The following DMXL2 variants were observed in gnomAD, a reference collection of about 807,000 sequenced individuals.
DMXL2 encodes the protein Dmx like 2.
Under a neutral mutation model 331.1 loss-of-function variants are expected in DMXL2, and 103 were observed. That is an observed-to-expected ratio of 0.31 (90% CI 0.27 to 0.37). DMXL2 has a LOEUF of 0.37. Ranked by LOEUF, DMXL2 falls within the 10% of genes least tolerant of loss-of-function variation. The pLI is 1.00. For missense variants in DMXL2, 3,171 were observed against 3,642.9 expected, an observed-to-expected ratio of 0.87 and a Z score of 3.33; for synonymous variants, 1,281 against 1,252.1, an observed-to-expected ratio of 1.02 and a Z score of -0.49.
chr15:51,457,443 C>T lies in DMXL2; in HGVS notation c.8222G>A (p.Gly2741Asp). ...GGGTTGATAAAGAGTTGTAGTGGAA[C>T]CACGATAATCAACATCATCTGAACT... ...SKSSDDVDYR[G>D]STTTLYQPSA... is the part of the protein sequence containing the mutation. Residue 2741 changes from glycine (G) to aspartate (D), a missense_variant, in exon 37 of 44, where the codon GGT becomes GAT. Physicochemically the swap from Gly to Asp is moderately conservative, Grantham distance 94 (BLOSUM62 -1). Transcript: ENST00000560891. 1.2e-6 allele frequency: 2 copies of T among 1,614,168 alleles called. No individual in the cohort carries two copies. The highest frequency in any genetic ancestry group is 1.6e-4 in the Middle Eastern group (1 of 6,062).
chr15:51,566,229 T>TGGG (rs930614547), intron 3 of DMXL2, among the ~76,000 whole-genome samples: 4 of 115,652 alleles, frequency 3.5e-5, no homozygotes, highest in African/African-American at 1.3e-4. Context: ...AATGTGTGTG[T>TGGG]GGGGTGTGTG....
intron 30 of DMXL2, among the ~76,000 whole-genome samples, chr15:51,465,880 T>C (rs1006875826): frequency 2.6e-5 from 4 of 152,164 alleles, no homozygotes; most frequent in Non-Finnish European, 1.5e-5. Flanking sequence ...AACCACATAG[T>C]CACATGAAAC....
intron 13 of DMXL2, among the ~76,000 whole-genome samples, chr15:51,534,005 T>C (rs1442040002): frequency 6.6e-6 from 1 of 151,968 alleles, no homozygotes; most frequent in Non-Finnish European, 1.5e-5. Context: ...TGAAATGTAA[T>C]AGGAAAAATA....
At chr15:51,458,985 C>A (rs2039895093) in intron 34 of DMXL2, 190 bp from the exon 35 acceptor site, 1 of 572,756 alleles carries the variant, frequency 1.7e-6, no homozygotes, top group Non-Finnish European at 3.1e-6. Flanking sequence ...CTTAAATTCT[C>A]TGATGTCCTG....
intron 5 of DMXL2, 69 bp from the exon 6 acceptor site, chr15:51,563,516 A>G: frequency 9.0e-7 from 1 of 1,109,242 alleles, no homozygotes; most frequent in Non-Finnish European, 1.3e-6. Flanking sequence ...AATGGTCAAG[A>G]TGAGATTTTT....
At chr15:51,534,418 G>A (rs1250972326) in intron 13 of DMXL2, among the ~76,000 whole-genome samples, 2 of 152,154 alleles carry the variant, frequency 1.3e-5, no homozygotes, top group African/African-American at 4.8e-5. Context: ...TTTATTCTAA[G>A]TAGAACTAGC....
intron 1 of DMXL2, among the ~76,000 whole-genome samples, chr15:51,619,577 T>G (rs912366204): frequency 6.6e-6 from 1 of 152,220 alleles, no homozygotes; most frequent in Non-Finnish European, 1.5e-5. Flanking sequence ...CCACCCACCA[T>G]GCACAGCAAA....
At chr15:51,477,255 T>C (rs924653740) in intron 26 of DMXL2, among the ~76,000 whole-genome samples, 1 of 152,156 alleles carries the variant, frequency 6.6e-6, no homozygotes, top group African/African-American at 2.4e-5. Flanking sequence ...ATAATGGCTA[T>C]CTTTGTGAAG....
Position 51,612,532 on chromosome 15 carries a change from G to A in DMXL2, c.87+9927C>T, listed in dbSNP as rs543353985. ...GAGACATCACATGTCAGCAGGTTCC[G>A]TGATGCCCCCCAAGCCGCAAAACCA... On this transcript the variant is annotated intron_variant, in intron 1 of 43. Transcript: ENST00000560891. Among the ~76,000 whole-genome samples, 9 of 152,106 alleles carry A rather than the reference G, an allele frequency of 5.9e-5. No homozygotes were observed. In the South Asian group the frequency reaches 6.2e-4, roughly 11 times the overall value.
chr15:51,479,992 C>A lies in DMXL2; in HGVS notation c.6712G>T (p.Val2238Phe). ...GGATGAGGTGGTGTTTTCATCTGAA[C>A]AATAGTATAAAGTATATCATGGATG... Reference protein sequence around the residue: ...NHIHDILYTIVQMKTPPHPSI... With the variant: ...NHIHDILYTIFQMKTPPHPSI... The change falls in exon 25 of 44, where the codon GTT becomes TTT. Residue 2238 changes from valine to phenylalanine, a missense_variant. Around this residue, in one of 7 missense-constraint regions of DMXL2, gnomAD observed 197 missense variants for 196.2 expected, o/e 1.00. Coordinates refer to ENST00000560891, the MANE Select transcript of DMXL2 (RefSeq NM_001378457.1). 1.9e-6 allele frequency: 3 copies of A among 1,549,210 alleles called. No individual in the cohort carries two copies. Among genetic ancestry groups the A allele is most frequent in the South Asian group, 1.2e-5 (1 of 82,782 alleles).
chr15:51,547,018 T>C (rs1303674409), intron 7 of DMXL2, among the ~76,000 whole-genome samples: 1 of 152,136 alleles, frequency 6.6e-6, no homozygotes, highest in Non-Finnish European at 1.5e-5. Context: ...GTACTATTAC[T>C]ACCCTCACTC....
At chr15:51,600,322 A>G (rs1377351386) in intron 1 of DMXL2, among the ~76,000 whole-genome samples, 1 of 152,154 alleles carries the variant, frequency 6.6e-6, no homozygotes, top group Non-Finnish European at 1.5e-5. Flanking sequence ...ACTCACCCTA[A>G]TGACCCCAAA....
intron 1 of DMXL2, 70 bp from the exon 2 acceptor site, chr15:51,576,251 T>C (rs2051035130): frequency 8.8e-7 from 1 of 1,139,800 alleles, no homozygotes; most frequent in Non-Finnish European, 1.2e-6. Context: ...TATTACATAC[T>C]ATTTTATCTT....
At chr15:51,596,911 G>C (rs1247579684) in intron 1 of DMXL2, among the ~76,000 whole-genome samples, 2 of 152,112 alleles carry the variant, frequency 1.3e-5, no homozygotes, top group Admixed American at 6.6e-5. Context: ...TCACACACCG[G>C]GGCCTGTTGT....
At chr15:51,554,958 G>A (rs1473557016) in intron 6 of DMXL2, among the ~76,000 whole-genome samples, 4 of 152,158 alleles carry the variant, frequency 2.6e-5, no homozygotes, top group African/African-American at 7.2e-5. Context: ...AGGAGTTCGA[G>A]ACCAGCCTGG....
chr15:51,524,150 G>A (rs970012491), intron 13 of DMXL2, among the ~76,000 whole-genome samples: 2 of 152,094 alleles, frequency 1.3e-5, no homozygotes, highest in Admixed American at 6.5e-5. Flanking sequence ...CTACCATGAC[G>A]GAATCAAACT....
Position 51,554,145 on chromosome 15 carries a change from T to A in DMXL2, c.568-6737A>T, listed in dbSNP as rs16964418. 8.9e-3 allele frequency among the ~76,000 whole-genome samples: 1,358 copies of A among 152,358 alleles called. 22 individuals carry two copies. Among genetic ancestry groups the A allele is most frequent in the African/African-American group, 0.031 (1,281 of 41,580 alleles). The stretch of plus-strand genomic sequence containing the variant: ...CATCAGCAATGATTAACTGGGAATA[T>A]CATAAAGCTGGATTCCAGTATGACT... On this transcript the variant is annotated intron_variant, in intron 6 of 43. Transcript: ENST00000560891.
intron 15 of DMXL2, among the ~76,000 whole-genome samples, chr15:51,512,719 G>A (rs776817071): frequency 6.6e-6 from 1 of 151,914 alleles, no homozygotes; most frequent in Non-Finnish European, 1.5e-5. Context: ...GGGAGGCTGA[G>A]GCAGGAGAAT....
At chr15:51,586,460 A>T (rs2051834733) in intron 1 of DMXL2, among the ~76,000 whole-genome samples, 1 of 152,192 alleles carries the variant, frequency 6.6e-6, no homozygotes, top group Non-Finnish European at 1.5e-5. Flanking sequence ...TAAGTGGTAA[A>T]AGGCAAGATG....
Sources: gnomAD v4.1 joint callset for allele counts (sites outside exome capture counted in the v4.1 genomes callset) on GRCh38, gnomAD v4.1.1 for gene constraint, gnomAD v4.1.1 regional missense constraint, MANE v1.5 for transcripts, NCBI Gene and HGNC (gene_info 2026-07-23, HGNC 2026-07-21) for gene names.